The following RCC2 variants were observed in gnomAD, a reference collection of about 807,000 sequenced individuals.
The protein encoded by RCC2 is regulator of chromosome condensation 2.
A neutral mutation model predicts 64.1 loss-of-function variants in RCC2; 19 were observed. That is an observed-to-expected ratio of 0.30 (90% CI 0.21 to 0.44). The LOEUF (loss-of-function observed/expected upper bound fraction) is 0.44, where lower values mean the gene tolerates loss of function less well. Ranked by LOEUF, RCC2 falls within the 20% of genes least tolerant of loss-of-function variation. RCC2 has a pLI of 1.00. For missense variants in RCC2, 508 were observed against 710.4 expected (o/e 0.72, Z 3.24); for synonymous variants, 325 against 279.6 (o/e 1.16, Z -1.62).
At chr1:17,428,448 C>A (rs976280094) in intron 3 of RCC2, among the ~76,000 whole-genome samples, 17 of 152,218 alleles carry the variant, frequency 1.1e-4, no homozygotes, top group African/African-American at 4.1e-4. Flanking sequence ...GACGAGCCAG[C>A]GTGCAAATAT....
At chr1:17,437,580 G>A (rs540742722) in intron 2 of RCC2, among the ~76,000 whole-genome samples, 107 of 152,162 alleles carry the variant, frequency 7.0e-4, no homozygotes, top group African/African-American at 2.3e-3. Flanking sequence ...GAGCCCTCGC[G>A]AGCATCCTGC....
intron 7 of RCC2, among the ~76,000 whole-genome samples, chr1:17,419,993 G>GGC (rs1331930198): frequency 1.3e-5 from 2 of 152,234 alleles, no homozygotes; most frequent in Non-Finnish European, 2.9e-5. Flanking sequence ...CCATCTGCCA[G>GGC]GCGCTGCGGC....
intron 2 of RCC2, among the ~76,000 whole-genome samples, chr1:17,436,703 G>A (rs2075738754): frequency 6.6e-6 from 1 of 152,208 alleles, no homozygotes; most frequent in Non-Finnish European, 1.5e-5. Context: ...GTCTGGAGCT[G>A]TACAGCTGAT....
intron 2 of RCC2, among the ~76,000 whole-genome samples, chr1:17,435,455 T>C (rs2075726256): frequency 1.3e-5 from 2 of 152,230 alleles, no homozygotes; most frequent in Non-Finnish European, 2.9e-5. Context: ...CAACAAGGAC[T>C]GCTGTCTGCC....
At chr1:17,418,035 A>AC (rs2075507906) in intron 7 of RCC2, among the ~76,000 whole-genome samples, 1 of 151,640 alleles carries the variant, frequency 6.6e-6, no homozygotes, top group Non-Finnish European at 1.5e-5. Context: ...ATACTATGCC[A>AC]TTTTATATAA....
At position 17,438,380 on chromosome 1, in the gene RCC2, GCTGCTA is replaced by G; in HGVS notation, c.129_134del (p.Ser45_Ser46del). On this transcript the variant is annotated inframe_deletion, in exon 2 of 13. Transcript: ENST00000375436. The stretch of plus-strand genomic sequence containing the variant: ...CGTCGCCGCTGCTGCCGCCGCCGCT[GCTGCTA>G]CTGCAGCGCTCGGGCCGCTCGCGCT... 8.0e-7 allele frequency: 1 copy of G among 1,251,164 alleles called. No homozygotes were observed. The highest frequency in any genetic ancestry group is 1.0e-6 in the Non-Finnish European group (1 of 1,002,362). The allele number at this position is 1,251,164 out of a possible 1,614,324, so 77.5% of individuals were successfully genotyped here.
At chr1:17,429,353 C>A (rs759223292) in intron 2 of RCC2, among the ~76,000 whole-genome samples, 154 bp from the exon 3 acceptor site, 4 of 152,168 alleles carry the variant, frequency 2.6e-5, no homozygotes, top group Non-Finnish European at 1.5e-5. Flanking sequence ...CCCACACTCC[C>A]CTCCCTCATC....
chr1:17,437,822 G>T (rs2075754651), intron 2 of RCC2, among the ~76,000 whole-genome samples: 1 of 145,068 alleles, frequency 6.9e-6, no homozygotes, highest in African/African-American at 2.5e-5. Flanking sequence ...GGCCACGGAC[G>T]TGTGGGGCCC....
Position 17,409,008 on chromosome 1 carries a change from C to T in RCC2, c.*82G>A. The T allele has an allele frequency of 1.8e-6, 2 of 1,103,450 alleles. No homozygotes were observed. The highest frequency in any genetic ancestry group is 2.4e-5 in the East Asian group (1 of 42,322). The allele number at this position is 1,103,450 out of a possible 1,614,324, so 68.4% of individuals were successfully genotyped here. On this transcript the variant is annotated 3_prime_UTR_variant, in exon 13 of 13. Transcript: ENST00000375436. Reference sequence around the variant, plus strand: ...CGGTCAACTTTTGCTTTTTTAAATTCCTCGTTTGACTTCCCGTCCCAGTGC... The same window carrying T: ...CGGTCAACTTTTGCTTTTTTAAATTTCTCGTTTGACTTCCCGTCCCAGTGC...
rs3193024 is a variant in RCC2, at chr1:17,407,500, G to A, written c.*1590C>T. 13,093 of 152,476 alleles carry A rather than the reference G, an allele frequency of 0.086. 810 individuals carry two copies. Among genetic ancestry groups the A allele is most frequent in the East Asian group, 0.29 (1,517 of 5,150 alleles). 9.4% of individuals were successfully genotyped at this position (152,476 alleles called of 1,614,324 possible). On this transcript the variant is annotated 3_prime_UTR_variant, in exon 13 of 13. Coordinates refer to ENST00000375436, the MANE Select transcript of RCC2 (RefSeq NM_018715.4). ...TGATTGAACACAGAACAAGAGATGC[G>A]CGTGGCGTCAGACTAAGTCTTAGAG...
intron 3 of RCC2, among the ~76,000 whole-genome samples, chr1:17,426,759 CTTTTTTT>C (rs146347066): frequency 1.1e-4 from 12 of 110,002 alleles, no homozygotes; most frequent in African/African-American, 1.4e-4. Context: ...TCTTACTTTT[CTTTTTTT>C]TTTTTTTTTT....
chr1:17,432,092 AAG>A (rs1177372087), intron 2 of RCC2, among the ~76,000 whole-genome samples: 1 of 152,202 alleles, frequency 6.6e-6, no homozygotes, highest in Non-Finnish European at 1.5e-5. Flanking sequence ...CTGTCTCAAA[AAG>A]AGAAAAAAAA....
In RCC2 at chr1:17,438,521, G is replaced by T; in HGVS notation, c.-7C>A. The T allele has an allele frequency of 7.5e-7, 1 of 1,334,868 alleles. No homozygotes were observed. Among genetic ancestry groups the T allele is most frequent in the Non-Finnish European group, 9.6e-7 (1 of 1,044,274 alleles). The allele number at this position is 1,334,868 out of a possible 1,614,324, so 82.7% of individuals were successfully genotyped here. ...CCGCCTTCTTCCTGGGCATGGTCGC[G>T]GCTGGAGGGAGACACGGGGCAGCGG... On this transcript the variant is annotated splice_region_variant and 5_prime_UTR_variant, in exon 2 of 13. Coordinates refer to ENST00000375436, the MANE Select transcript of RCC2 (RefSeq NM_018715.4).
chr1:17,431,590 C>G (rs926781224), intron 2 of RCC2, among the ~76,000 whole-genome samples: 3 of 150,902 alleles, frequency 2.0e-5, no homozygotes, highest in African/African-American at 7.3e-5. Context: ...GTGATCACCC[C>G]ATGGGTATGC....
chr1:17,412,939 G>A (rs2075442964), intron 10 of RCC2, 134 bp downstream of exon 10: 2 of 655,814 alleles, frequency 3.0e-6, no homozygotes, highest in South Asian at 1.9e-5. Flanking sequence ...GATTCAGTGT[G>A]TCAGATGGCC....
chr1:17,433,814 A>G (rs997633130), intron 2 of RCC2, among the ~76,000 whole-genome samples: 2 of 152,224 alleles, frequency 1.3e-5, no homozygotes, highest in Non-Finnish European at 2.9e-5. Flanking sequence ...ACATAGGTCC[A>G]TGTAGAAGAC....
intron 7 of RCC2, among the ~76,000 whole-genome samples, chr1:17,418,529 C>T (rs1211449964): frequency 5.3e-5 from 8 of 152,190 alleles, no homozygotes; most frequent in South Asian, 2.1e-4. Flanking sequence ...TGGTGGCGCA[C>T]GCCTGTAGTC....
rs747857857 is a variant in RCC2, at chr1:17,413,679, G to A, written c.1065C>T (p.Gly355=). 7 of 1,613,874 alleles carry A rather than the reference G, an allele frequency of 4.3e-6. No homozygotes were observed. The Admixed American group carries it at 1.2e-4, about 27-fold the overall frequency. The part of the protein sequence containing the change: ...LDSQKRVFSW[G]FGGYGRLGHA... Reference sequence around the variant, plus strand: ...GGCCCAGCCGGCCATAGCCACCAAAGCCCCAGGAGAAGACTCGCTTCTGGG... The same window carrying A: ...GGCCCAGCCGGCCATAGCCACCAAAACCCCAGGAGAAGACTCGCTTCTGGG... Residue 355 remains glycine (G), a synonymous_variant, in exon 9 of 13, where the codon GGC becomes GGT. Coordinates refer to ENST00000375436, the MANE Select transcript of RCC2 (RefSeq NM_018715.4).
At position 17,422,844 on chromosome 1, in the gene RCC2, T is replaced by A; in HGVS notation, c.524-8A>T. On this transcript the variant is annotated splice_polypyrimidine_tract_variant and splice_region_variant and intron_variant, in intron 4 of 12. Coordinates refer to ENST00000375436, the MANE Select transcript of RCC2 (RefSeq NM_018715.4). ...GCCCCTTCTCATTTCGACCTGCAGA[T>A]CACATGAGAGAAAGTAGAAAAGAGA... 1 of 1,613,802 alleles carries A rather than the reference T, an allele frequency of 6.2e-7. No homozygotes were observed. Among genetic ancestry groups the A allele is most frequent in the Non-Finnish European group, 8.5e-7 (1 of 1,180,010 alleles).
Sources: allele counts gnomAD v4.1 joint callset (sites outside exome capture counted in the v4.1 genomes callset), GRCh38; gene constraint gnomAD v4.1.1; transcripts MANE v1.5; gene names NCBI Gene and HGNC (gene_info 2026-07-23, HGNC 2026-07-21).